The following CPD variants were observed in gnomAD, a reference collection of about 807,000 sequenced individuals.
The protein encoded by CPD is carboxypeptidase D.
A neutral mutation model predicts 138.3 loss-of-function variants in CPD; 69 were observed. That is an observed-to-expected ratio of 0.50 (90% CI 0.41 to 0.61). The LOEUF (loss-of-function observed/expected upper bound fraction) is 0.61. Among genes scored for constraint, CPD ranks in the 20% least tolerant of loss-of-function variants. The pLI is 0.00. For synonymous variants in CPD, 651 were observed against 642.1 expected, an observed-to-expected ratio of 1.01 and a Z score of -0.21; for missense variants, 1,432 against 1,733.3, an observed-to-expected ratio of 0.83 and a Z score of 3.09.
intron 6 of CPD, among the ~76,000 whole-genome samples, chr17:30,425,497 A>G (rs1912379281): frequency 6.6e-6 from 1 of 152,008 alleles, no homozygotes; most frequent in Non-Finnish European, 1.5e-5. Context: ...TCTACTAAAA[A>G]TACAAAAAAT....
intron 17 of CPD, among the ~76,000 whole-genome samples, chr17:30,458,508 G>A (rs1435737496): frequency 6.6e-6 from 1 of 151,924 alleles, no homozygotes; most frequent in Non-Finnish European, 1.5e-5. Flanking sequence ...GAGTGGGAGG[G>A]GCGGGGTACA....
rs369914809 is a variant in CPD at position 30,447,266 on chromosome 17, A to G, written c.2873+1246A>G. On this transcript the variant is annotated intron_variant, in intron 12 of 20. Transcript: ENST00000225719. ...GTTCTTGCCCATGCCTATGTCCTGAATGGTATTGCCTAGGTTTTCTTCTAG... is the reference window on the plus strand; with the variant it reads ...GTTCTTGCCCATGCCTATGTCCTGAGTGGTATTGCCTAGGTTTTCTTCTAG... Among the ~76,000 whole-genome samples the G allele has an allele frequency of 3.4e-4, 52 of 152,266 alleles. No homozygotes were observed. In the East Asian group the frequency reaches 6.4e-3, roughly 19 times the overall value.
chr17:30,423,103 G>T (rs953163897), intron 5 of CPD, 80 bp downstream of exon 5: 3 of 1,110,950 alleles, frequency 2.7e-6, no homozygotes, highest in African/African-American at 3.2e-5. Flanking sequence ...CATTCAGAAA[G>T]GTCGCCTACA....
At chr17:30,391,190 C>T (rs577685448) in intron 2 of CPD, among the ~76,000 whole-genome samples, 1 of 145,584 alleles carries the variant, frequency 6.9e-6, no homozygotes, top group Admixed American at 7.0e-5. Flanking sequence ...ATTTGCCTAC[C>T]GTTCTTTCTT....
At chr17:30,391,462 A>G (rs922963381) in intron 2 of CPD, among the ~76,000 whole-genome samples, 1 of 152,230 alleles carries the variant, frequency 6.6e-6, no homozygotes, top group Non-Finnish European at 1.5e-5. Flanking sequence ...AAGGAAGGGC[A>G]GGCAACGTAT....
At position 30,455,452 on chromosome 17, in the gene CPD, G is replaced by A. The variant is rs1238049866; in HGVS notation, c.3319G>A (p.Asp1107Asn). ...TTCCATGCTGGTCACATATCCTTAT[G>A]ACAAGCCAGTACAGACAGGTATGTA... is the stretch of plus-strand genomic sequence containing the variant. ...GGSMLVTYPYDKPVQTVENKE... is the reference protein window; with the variant it reads ...GGSMLVTYPYNKPVQTVENKE... The change falls in exon 15 of 21, where the codon GAC becomes AAC. Residue 1107 changes from aspartate (D) to asparagine (N), a missense_variant. Asp to Asn is a conservative substitution (Grantham distance 23). Transcript: ENST00000225719. 6 of 1,613,350 alleles carry A rather than the reference G, an allele frequency of 3.7e-6. No homozygotes were observed. The highest frequency in any genetic ancestry group is 5.1e-6 in the Non-Finnish European group (6 of 1,179,784).
At chr17:30,399,115 A>G (rs867461280) in intron 2 of CPD, among the ~76,000 whole-genome samples, 9 of 152,064 alleles carry the variant, frequency 5.9e-5, no homozygotes, top group African/African-American at 1.9e-4. Flanking sequence ...GACAGAGATA[A>G]ATATTTTATA....
chr17:30,455,343 T>C lies in CPD; in HGVS notation c.3210T>C (p.Asn1070=), dbSNP rs138340045. 6.3e-7 allele frequency: 1 copy of C among 1,598,428 alleles called. No individual in the cohort carries two copies. The highest frequency in any genetic ancestry group is 1.4e-5 in the African/African-American group (1 of 73,688). Reference sequence around the variant, plus strand: ...TTTGACTTTTCTCTTTTTTAGATAATGCCTCCCAACCTGAGACCAAAGCCA... The same window carrying C: ...TTTGACTTTTCTCTTTTTTAGATAACGCCTCCCAACCTGAGACCAAAGCCA... ...GKDLDTDFTN[N]ASQPETKAII... is the part of the protein sequence containing the mutation. Residue 1070 remains asparagine (N), a synonymous_variant, in exon 15 of 21, where the codon AAT becomes AAC. Coordinates refer to ENST00000225719, the MANE Select transcript of CPD (RefSeq NM_001304.5).
Position 30,379,766 on chromosome 17 carries a change from C to T in CPD, c.746+40C>T, listed in dbSNP as rs770042036. ...CCCCCTCCCCGTCCGTGTGAGCCTC[C>T]AAGGGCCGAGGCTGGTTCCGGCACC... On this transcript the variant is annotated intron_variant, in intron 1 of 20. Coordinates refer to ENST00000225719, the MANE Select transcript of CPD (RefSeq NM_001304.5). The surrounding 1 kb of genome is among the most constrained non-coding windows in gnomAD (Gnocchi z 7.0). 6 of 1,368,226 alleles carry T rather than the reference C, an allele frequency of 4.4e-6. No homozygotes were observed. The African/African-American group carries it at 9.2e-5, about 21-fold the overall frequency. The allele number at this position is 1,368,226 out of a possible 1,614,324, so 84.8% of individuals were successfully genotyped here.
intron 6 of CPD, among the ~76,000 whole-genome samples, chr17:30,424,356 T>C (rs1034566621): frequency 9.2e-5 from 14 of 152,178 alleles, no homozygotes; most frequent in African/African-American, 3.4e-4. Context: ...TTGGTATTAA[T>C]GCTGATTGAC....
chr17:30,447,150 C>A (rs1913053356), intron 12 of CPD, among the ~76,000 whole-genome samples: 1 of 152,128 alleles, frequency 6.6e-6, no homozygotes. Flanking sequence ...ATGGTAGTTT[C>A]TTTTGCTGTG....
At chr17:30,427,628 C>A in intron 7 of CPD, 70 bp downstream of exon 7, 1 of 1,390,482 alleles carries the variant, frequency 7.2e-7, no homozygotes, top group Non-Finnish European at 1.0e-6. Flanking sequence ...GGAATTTTAT[C>A]TGTTTGTAGT....
chr17:30,422,846 C>G lies in CPD; in HGVS notation c.1480C>G (p.Gln494Glu), dbSNP rs775988700. ...TCTTTCTGGAACATCATCCTCCTAC[C>G]AGCCAATTCAGCCAAAGGACTTTCA... ...NILSGTSSSY[Q>E]PIQPKDFHHH... The change falls in exon 5 of 21, where the codon CAG (glutamine) becomes GAG (glutamate). Residue 494 changes from glutamine (Q) to glutamate (E), a missense_variant. By Grantham distance (29) the Gln-to-Glu change is conservative (BLOSUM62 2). This residue lies in a region of CPD where 160 missense variants were observed against 197.9 expected (regional missense o/e 0.81). Transcript: ENST00000225719. 6.2e-7 allele frequency: 1 copy of G among 1,614,082 alleles called. No individual in the cohort carries two copies. The highest frequency in any genetic ancestry group is 1.1e-5 in the South Asian group (1 of 91,080).
intron 2 of CPD, among the ~76,000 whole-genome samples, chr17:30,396,709 A>T (rs1032697713): frequency 2.0e-5 from 3 of 152,212 alleles, no homozygotes; most frequent in Non-Finnish European, 2.9e-5. Context: ...GGTATTGATC[A>T]CAATTTGCAG....
chr17:30,407,762 AG>A lies in CPD; in HGVS notation c.995-13077del, dbSNP rs536524558. ...TTGCAAAAATTTTCTCCCATTCTGT[AG>A]GTTGCCTGTTCACTCTGATGGTAGT... On this transcript the variant is annotated intron_variant, in intron 2 of 20. Coordinates refer to ENST00000225719, the MANE Select transcript of CPD (RefSeq NM_001304.5). Among the ~76,000 whole-genome samples, 21 of 152,206 alleles carry A rather than the reference AG, an allele frequency of 1.4e-4. No homozygotes were observed. The South Asian group carries it at 3.9e-3, about 29-fold the overall frequency.
chr17:30,437,615 G>A (rs1912736988), intron 8 of CPD, among the ~76,000 whole-genome samples: 1 of 152,150 alleles, frequency 6.6e-6, no homozygotes, highest in Admixed American at 6.6e-5. Flanking sequence ...AGCGTGGGGA[G>A]ATTGAGGCTG....
chr17:30,423,918 G>C (rs1312715978), intron 6 of CPD, among the ~76,000 whole-genome samples: 1 of 152,040 alleles, frequency 6.6e-6, no homozygotes, highest in Admixed American at 6.5e-5. Context: ...ACTTGGTAAT[G>C]GTTCTAATTT....
intron 14 of CPD, chr17:30,454,669 T>C (rs1420529643): frequency 6.6e-6 from 1 of 152,502 alleles, no homozygotes; most frequent in Non-Finnish European, 1.5e-5. Flanking sequence ...TTTACTGTAT[T>C]AGTCTGTTTT....
chr17:30,388,920 C>T (rs977145885), intron 2 of CPD, among the ~76,000 whole-genome samples: 2 of 152,146 alleles, frequency 1.3e-5, no homozygotes, highest in African/African-American at 2.4e-5. Flanking sequence ...CCCCAAGTGG[C>T]CCGCGCAGAG....
Sources: gnomAD v4.1 joint callset for allele counts (sites outside exome capture counted in the v4.1 genomes callset) on GRCh38, gnomAD v4.1.1 for gene constraint, gnomAD v4.1.1 regional missense constraint, Gnocchi (gnomAD v3.1) non-coding constraint, MANE v1.5 for transcripts, NCBI Gene and HGNC (gene_info 2026-07-23, HGNC 2026-07-21) for gene names.